Variants in SCAMP1 observed in about 807,000 individuals in gnomAD.
The protein encoded by SCAMP1 is secretory carrier-associated membrane protein 1.
A neutral mutation model predicts 41.8 loss-of-function variants in SCAMP1; 15 were observed. That is an observed-to-expected ratio of 0.36 (90% CI 0.24 to 0.55). SCAMP1 has a LOEUF of 0.55. SCAMP1 is among the 20% of genes least tolerant of loss of function. SCAMP1 has a pLI of 0.86. For synonymous variants in SCAMP1, 135 were observed against 136.8 expected (o/e 0.99, Z 0.09); for missense variants, 341 against 412.6 (o/e 0.83, Z 1.50).
intron 6 of SCAMP1, among the ~76,000 whole-genome samples, chr5:78,443,366 G>A (rs986417641): frequency 1.2e-4 from 18 of 152,030 alleles, no homozygotes; most frequent in Admixed American, 2.0e-4. Flanking sequence ...TGTGCCTCAC[G>A]TGGGTGTTGT....
chr5:78,425,687 T>G (rs1752451626), intron 6 of SCAMP1, among the ~76,000 whole-genome samples: 1 of 152,200 alleles, frequency 6.6e-6, no homozygotes, highest in Non-Finnish European at 1.5e-5. Context: ...AATGATCATA[T>G]ACTGCCATTC....
chr5:78,439,496 A>G lies in SCAMP1; in HGVS notation c.633-10437A>G, dbSNP rs186263268. ...TGAAGCTTAGTTTGGCTGGATATGA[A>G]ATTCTGGGTTGAAAATTGTTTTCTT... On this transcript the variant is annotated intron_variant, in intron 6 of 8. Transcript: ENST00000621999. 3.2e-3 allele frequency among the ~76,000 whole-genome samples: 482 copies of G among 152,206 alleles called. 9 individuals are homozygous for G. The highest frequency in any genetic ancestry group is 1.2e-3 in the Non-Finnish European group (81 of 68,026).
intron 1 of SCAMP1, among the ~76,000 whole-genome samples, chr5:78,380,756 C>CA (rs1393516186): frequency 6.6e-6 from 1 of 152,062 alleles, no homozygotes; most frequent in Non-Finnish European, 1.5e-5. Flanking sequence ...CACAGATCAC[C>CA]ACAACAGATA....
chr5:78,435,471 C>T (rs1405687528), intron 6 of SCAMP1, among the ~76,000 whole-genome samples: 2 of 152,192 alleles, frequency 1.3e-5, no homozygotes, highest in African/African-American at 4.8e-5. Context: ...TGAGAACATG[C>T]AGTGTTTGGT....
Position 78,360,640 on chromosome 5 carries a change from G to A in SCAMP1, c.-32G>A, listed in dbSNP as rs1159213342. On this transcript the variant is annotated 5_prime_UTR_variant, in exon 1 of 9. Transcript: ENST00000621999. ...TCGCCTCGTCTCTCTCTCTGCGCCT[G>A]GGTCGGGTGGGTGACGCCGAGAGCC... 1 of 1,595,258 alleles carries A rather than the reference G, an allele frequency of 6.3e-7. No individual in the cohort carries two copies. Among genetic ancestry groups the A allele is most frequent in the Non-Finnish European group, 8.5e-7 (1 of 1,171,578 alleles).
rs137871783 is a variant in SCAMP1, at chr5:78,429,579, G to A, written c.632+7619G>A. On this transcript the variant is annotated intron_variant, in intron 6 of 8. Coordinates refer to ENST00000621999, the MANE Select transcript of SCAMP1 (RefSeq NM_004866.6). ...TTGCAATGAGGGTGCTGATTTTTAT[G>A]ATTTGCCCTACCTTGGTTGAAATAC... Among the ~76,000 whole-genome samples the A allele has an allele frequency of 2.6e-5, 4 of 152,026 alleles. No homozygotes were observed. In the East Asian group the frequency reaches 7.7e-4, roughly 29 times the overall value.
At chr5:78,362,964 C>G (rs941495601) in intron 1 of SCAMP1, among the ~76,000 whole-genome samples, 2 of 147,904 alleles carry the variant, frequency 1.4e-5, no homozygotes, top group Non-Finnish European at 3.0e-5. Context: ...GTGATCTCAA[C>G]TCACCACAAC....
chr5:78,475,776 A>G lies in SCAMP1; in HGVS notation c.*108A>G. On this transcript the variant is annotated 3_prime_UTR_variant, in exon 9 of 9. Transcript: ENST00000621999. The stretch of plus-strand genomic sequence containing the variant: ...AACACACAGTACAGACAGCATGGAT[A>G]TTTCCTGTTCACTTGTGCATGGGCT... The G allele has an allele frequency of 1.2e-6, 1 of 838,918 alleles. No individual in the cohort carries two copies. Among genetic ancestry groups the G allele is most frequent in the Non-Finnish European group, 1.6e-6 (1 of 612,016 alleles). The allele number at this position is 838,918 out of a possible 1,614,324, so 52.0% of individuals were successfully genotyped here.
intron 7 of SCAMP1, among the ~76,000 whole-genome samples, chr5:78,450,873 C>T (rs994207469): frequency 1.3e-5 from 2 of 152,280 alleles, no homozygotes; most frequent in African/African-American, 4.8e-5. Context: ...CAGACAACTC[C>T]TGGCAGTTCT....
intron 8 of SCAMP1, among the ~76,000 whole-genome samples, chr5:78,467,551 T>C (rs927205583): frequency 4.6e-5 from 7 of 152,216 alleles, no homozygotes; most frequent in Non-Finnish European, 7.3e-5. Context: ...AGTATTGATA[T>C]GGATATCATG....
chr5:78,407,640 T>C (rs7710722), intron 2 of SCAMP1, among the ~76,000 whole-genome samples: 51,703 of 140,420 alleles, frequency 0.37, 9,872 homozygotes, highest in East Asian at 0.55. Flanking sequence ...TTTTTTTTTT[T>C]CCCCTCTGGA....
intron 2 of SCAMP1, among the ~76,000 whole-genome samples, chr5:78,402,642 G>T (rs1022706167): frequency 1.3e-5 from 2 of 151,952 alleles, no homozygotes; most frequent in Non-Finnish European, 2.9e-5. Context: ...TGTTAGCATG[G>T]TATATTTTTC....
chr5:78,361,843 C>T (rs1018125326), intron 1 of SCAMP1, among the ~76,000 whole-genome samples: 2 of 152,220 alleles, frequency 1.3e-5, no homozygotes, highest in African/African-American at 4.8e-5. Flanking sequence ...CATCTTTTTA[C>T]TCCTGGTTTT....
chr5:78,369,315 C>T lies in SCAMP1; in HGVS notation c.57+8587C>T, dbSNP rs377239741. Among the ~76,000 whole-genome samples the T allele has an allele frequency of 3.3e-5, 5 of 152,200 alleles. No homozygotes were observed. In the South Asian group the frequency reaches 1.0e-3, roughly 32 times the overall value. On this transcript the variant is annotated intron_variant, in intron 1 of 8. Coordinates refer to ENST00000621999, the MANE Select transcript of SCAMP1 (RefSeq NM_004866.6). ...AGAGACGGGGTTTCACCATGTTGGCCAGGCTGGTCTCCAACTCCTGACCTC... is the reference window on the plus strand; with the variant it reads ...AGAGACGGGGTTTCACCATGTTGGCTAGGCTGGTCTCCAACTCCTGACCTC...
In SCAMP1 at chr5:78,461,070, G is replaced by A. The variant is rs561548532; in HGVS notation, c.852+1708G>A. On this transcript the variant is annotated intron_variant, in intron 8 of 8. Coordinates refer to ENST00000621999, the MANE Select transcript of SCAMP1 (RefSeq NM_004866.6). ...GGAGTTTGACCATGTTGGCCAGCCT[G>A]GCCTTGAACTCCAGACCTCAAATGA... Among the ~76,000 whole-genome samples, 5 of 152,144 alleles carry A rather than the reference G, an allele frequency of 3.3e-5. No homozygotes were observed. In the East Asian group the frequency reaches 9.7e-4, roughly 29 times the overall value.
chr5:78,461,746 C>A lies in SCAMP1; in HGVS notation c.852+2384C>A, dbSNP rs187366557. ...GCCTGGCTGATTTTTGTATTTTTAG[C>A]AGAGACGGGATTTCACCATGTTGGC... is the stretch of plus-strand genomic sequence containing the variant. On this transcript the variant is annotated intron_variant, in intron 8 of 8. Coordinates refer to ENST00000621999, the MANE Select transcript of SCAMP1 (RefSeq NM_004866.6). 1.3e-4 allele frequency among the ~76,000 whole-genome samples: 20 copies of A among 152,046 alleles called. No individual in the cohort carries two copies. In the East Asian group the frequency reaches 3.7e-3, roughly 28 times the overall value.
intron 7 of SCAMP1, among the ~76,000 whole-genome samples, chr5:78,456,636 C>G (rs905511774): frequency 4.7e-5 from 7 of 150,524 alleles, no homozygotes; most frequent in African/African-American, 1.7e-4. Flanking sequence ...TTCATTTCAA[C>G]TTTGGTGAAT....
intron 6 of SCAMP1, among the ~76,000 whole-genome samples, chr5:78,442,923 A>T (rs761672728): frequency 1.4e-4 from 22 of 152,110 alleles, no homozygotes; most frequent in Non-Finnish European, 2.9e-4. Context: ...ATTTTAGCTT[A>T]AGGCTGGGTG....
chr5:78,425,775 A>G (rs562107908), intron 6 of SCAMP1, among the ~76,000 whole-genome samples: 7 of 151,966 alleles, frequency 4.6e-5, no homozygotes, highest in Admixed American at 3.9e-4. Context: ...GGAAAATTCA[A>G]TGATTTATTT....
Sources: gnomAD v4.1 joint callset for allele counts (sites outside exome capture counted in the v4.1 genomes callset) on GRCh38, gnomAD v4.1.1 for gene constraint, MANE v1.5 for transcripts, NCBI Gene and HGNC (gene_info 2026-07-23, HGNC 2026-07-21) for gene names.